SDCCAG8: variants seen among roughly 807,000 people sequenced by gnomAD.
The protein encoded by SDCCAG8 is serologically defined colon cancer antigen 8.
SDCCAG8 carries 74 observed loss-of-function variants against 101.8 expected under a neutral mutation model. That is an observed-to-expected ratio of 0.73 (90% CI 0.60 to 0.88). The LOEUF is 0.88. Among genes scored for constraint, SDCCAG8 ranks in the 40% least tolerant of loss-of-function variants. The pLI is 0.00. For synonymous variants in SDCCAG8, 281 were observed against 292.9 expected (o/e 0.96, Z 0.41); for missense variants, 787 against 822.6 (o/e 0.96, Z 0.53).
chr1:243,400,772 G>C (rs1470611830), intron 13 of SDCCAG8, among the ~76,000 whole-genome samples: 4 of 152,304 alleles, frequency 2.6e-5, no homozygotes, highest in African/African-American at 9.6e-5. Flanking sequence ...CTCTGAATGA[G>C]ATTTCATAGA....
chr1:243,441,766 G>T (rs2082551835), intron 16 of SDCCAG8, among the ~76,000 whole-genome samples: 1 of 152,082 alleles, frequency 6.6e-6, no homozygotes, highest in Admixed American at 6.6e-5. Flanking sequence ...TCAGCACATA[G>T]GAGGAGTCAC....
At chr1:243,304,670 C>T (rs367814956) in intron 6 of SDCCAG8, 43 bp from the exon 7 acceptor site, 181 of 1,052,324 alleles carry the variant, frequency 1.7e-4, no homozygotes, top group Middle Eastern at 2.3e-4. Flanking sequence ...TTATAAAATA[C>T]AGGACATAGA....
rs1007662724 is a variant in SDCCAG8 at position 243,367,601 on chromosome 1, T to C, written c.1474-11120T>C. On this transcript the variant is annotated intron_variant, in intron 12 of 17. Transcript: ENST00000366541. ...TGCTTTTCTGCCAAGGAAGGGATCATGGCTTGGTCTCAGGGAAGAAAGGAA... is the reference window on the plus strand; with the variant it reads ...TGCTTTTCTGCCAAGGAAGGGATCACGGCTTGGTCTCAGGGAAGAAAGGAA... 3.3e-5 allele frequency among the ~76,000 whole-genome samples: 5 copies of C among 152,074 alleles called. 1 individual carries two copies. The highest frequency in any genetic ancestry group is 1.2e-4 in the African/African-American group (5 of 41,516).
At chr1:243,415,029 A>G (rs1468937370) in intron 13 of SDCCAG8, among the ~76,000 whole-genome samples, 1 of 152,166 alleles carries the variant, frequency 6.6e-6, no homozygotes, top group African/African-American at 2.4e-5. Context: ...GTGTCCTATC[A>G]CAGTACGATG....
intron 4 of SDCCAG8, among the ~76,000 whole-genome samples, chr1:243,279,730 A>G (rs539528113): frequency 6.6e-6 from 1 of 152,318 alleles, no homozygotes; most frequent in East Asian, 1.9e-4. Flanking sequence ...TGTCGAACCA[A>G]TGTTGTGTAA....
intron 16 of SDCCAG8, among the ~76,000 whole-genome samples, chr1:243,450,791 T>G (rs1427309910): frequency 6.6e-6 from 1 of 152,180 alleles, no homozygotes; most frequent in Non-Finnish European, 1.5e-5. Context: ...CCCAAGTAGC[T>G]GGGATTATAG....
intron 1 of SDCCAG8, among the ~76,000 whole-genome samples, chr1:243,269,742 A>G (rs529647589): frequency 6.6e-4 from 100 of 152,012 alleles, no homozygotes; most frequent in Non-Finnish European, 1.2e-3. Context: ...TCTGTCTCCA[A>G]GTTGGTAAAG....
intron 4 of SDCCAG8, among the ~76,000 whole-genome samples, chr1:243,277,042 G>A (rs986890669): frequency 6.6e-6 from 1 of 152,062 alleles, no homozygotes; most frequent in African/African-American, 2.4e-5. Flanking sequence ...TTTTTTATCT[G>A]TGCACCTATG....
chr1:243,294,527 A>AGAGAGAGAGAGAGAG (rs1558248318), intron 6 of SDCCAG8, among the ~76,000 whole-genome samples: 1 of 9,122 alleles, frequency 1.1e-4, no homozygotes, highest in African/African-American at 1.8e-4. Context: ...GAGAGAGAGA[A>AGAGAGAGAGAGAGAG]CAACCCACCT....
chr1:243,293,437 T>C (rs2070470831), intron 6 of SDCCAG8: 1 of 674,278 alleles, frequency 1.5e-6, no homozygotes, highest in Non-Finnish European at 2.7e-6. Context: ...CTGGACGTAT[T>C]AAACAATATC....
intron 10 of SDCCAG8, among the ~76,000 whole-genome samples, chr1:243,337,718 G>T (rs568168148): frequency 2.6e-4 from 40 of 152,290 alleles, no homozygotes; most frequent in African/African-American, 9.6e-4. Flanking sequence ...ATTTTAGCTT[G>T]TGGCTGTTGT....
intron 1 of SDCCAG8, among the ~76,000 whole-genome samples, chr1:243,263,152 T>A (rs2067318088): frequency 6.6e-6 from 1 of 152,282 alleles, no homozygotes; most frequent in Non-Finnish European, 1.5e-5. Context: ...ATAGCAAGTC[T>A]CCCCTCAACA....
intron 15 of SDCCAG8, among the ~76,000 whole-genome samples, chr1:243,426,183 T>A (rs1269950815): frequency 1.3e-5 from 2 of 151,320 alleles, no homozygotes; most frequent in African/African-American, 4.9e-5. Flanking sequence ...TTATCATGTT[T>A]GTCTTATTCC....
At chr1:243,441,390 T>C (rs945716348) in intron 16 of SDCCAG8, among the ~76,000 whole-genome samples, 1 of 152,168 alleles carries the variant, frequency 6.6e-6, no homozygotes, top group Non-Finnish European at 1.5e-5. Context: ...TCTTTTTCTT[T>C]GTCTGATACT....
intron 8 of SDCCAG8, among the ~76,000 whole-genome samples, chr1:243,316,104 T>C (rs974365293): frequency 3.3e-5 from 5 of 152,324 alleles, no homozygotes; most frequent in South Asian, 2.1e-4. Context: ...CTTCTGAGAA[T>C]TGCTGAAGAA....
intron 5 of SDCCAG8, among the ~76,000 whole-genome samples, chr1:243,287,253 A>T (rs1371260601): frequency 6.6e-6 from 1 of 152,200 alleles, no homozygotes; most frequent in Non-Finnish European, 1.5e-5. Context: ...TTTGGGACAA[A>T]TTCAACTTTC....
Position 243,458,550 on chromosome 1 carries a change from C to T in SDCCAG8, c.1986-30464C>T, listed in dbSNP as rs1043891407. Among the ~76,000 whole-genome samples, 3 of 152,120 alleles carry T rather than the reference C, an allele frequency of 2.0e-5. No homozygotes were observed. The highest frequency in any genetic ancestry group is 6.5e-5 in the Admixed American group (1 of 15,276). Reference sequence around the variant, plus strand: ...GAATTTTCATAACCACCACATGAAGCGAGTACTAGCAATATCCCCATTTTA... The same window carrying T: ...GAATTTTCATAACCACCACATGAAGTGAGTACTAGCAATATCCCCATTTTA... On this transcript the variant is annotated intron_variant, in intron 16 of 17. Transcript: ENST00000366541. The surrounding 1 kb of genome is among the most constrained non-coding windows in gnomAD (Gnocchi z 4.5).
intron 17 of SDCCAG8, among the ~76,000 whole-genome samples, chr1:243,493,285 C>T (rs1054277777): frequency 1.3e-5 from 2 of 152,028 alleles, no homozygotes; most frequent in African/African-American, 4.8e-5. Context: ...TTGGGCAGGG[C>T]CTGACAGCTT....
intron 16 of SDCCAG8, among the ~76,000 whole-genome samples, chr1:243,468,237 G>A: frequency 1.2e-5 from 1 of 85,382 alleles, no homozygotes; most frequent in African/African-American, 4.8e-5. Context: ...TTTTTTTTTT[G>A]AGACGGAGTC....
Sources: allele counts gnomAD v4.1 joint callset (sites outside exome capture counted in the v4.1 genomes callset), GRCh38; gene constraint gnomAD v4.1.1; non-coding constraint Gnocchi (gnomAD v3.1); transcripts MANE v1.5; gene names NCBI Gene and HGNC (gene_info 2026-07-23, HGNC 2026-07-21).